Variants in GPATCH8 observed in about 807,000 individuals in gnomAD.
The protein encoded by GPATCH8 is G-patch domain containing 8.
A neutral mutation model predicts 118.3 loss-of-function variants in GPATCH8; 18 were observed. The observed-to-expected ratio is 0.15, with a 90% CI of 0.11 to 0.23. The LOEUF (loss-of-function observed/expected upper bound fraction) is 0.23, where lower values mean the gene tolerates loss of function less well. Ranked by LOEUF, GPATCH8 falls within the 10% of genes least tolerant of loss-of-function variation. The pLI, the probability that GPATCH8 is intolerant of heterozygous loss-of-function variation, is 1.00. For synonymous variants in GPATCH8, 659 were observed against 684.7 expected (o/e 0.96, Z 0.59); for missense variants, 1,631 against 1,873.8 (o/e 0.87, Z 2.39).
Position 44,395,757 on chromosome 17 carries a change from T to C in GPATCH8, c.*1811A>G. 2.2e-6 allele frequency: 1 copy of C among 454,122 alleles called. No homozygotes were observed. The highest frequency in any genetic ancestry group is 1.6e-5 in the South Asian group (1 of 64,476). The allele number at this position is 454,122 out of a possible 1,614,324, so 28.1% of individuals were successfully genotyped here. A position where few individuals can be genotyped will look rare whatever the true frequency, so the allele number is the denominator to read the frequency against. ...GGCAGGAACAGAGCCTTGGCCCAGG[T>C]AAGTATGGTTTTTCTTGTCAAGTGA... On this transcript the variant is annotated 3_prime_UTR_variant, in exon 8 of 8. Coordinates refer to ENST00000591680, the MANE Select transcript of GPATCH8 (RefSeq NM_001002909.4).
chr17:44,484,607 T>C lies in GPATCH8; in HGVS notation c.46-9704A>G, dbSNP rs895404400. Among the ~76,000 whole-genome samples, 6 of 152,300 alleles carry C rather than the reference T, an allele frequency of 3.9e-5. No homozygotes were observed. In the South Asian group the frequency reaches 6.2e-4, roughly 16 times the overall value. On this transcript the variant is annotated intron_variant, in intron 1 of 7. Transcript: ENST00000591680. ...TTATTATTAACTAAAGTCCATACTA[T>C]ATTCAGATTATCTTAGACTTCCTCT...
At position 44,406,864 on chromosome 17, in the gene GPATCH8, A is replaced by G. The variant is rs568645589; in HGVS notation, c.493-813T>C. Among the ~76,000 whole-genome samples, 35 of 152,378 alleles carry G rather than the reference A, an allele frequency of 2.3e-4. 1 individual carries two copies. In the South Asian group the frequency reaches 7.2e-3, roughly 32 times the overall value. On this transcript the variant is annotated intron_variant, in intron 6 of 7. Transcript: ENST00000591680. Reference sequence around the variant, plus strand: ...TCCTTAAAATAAAACAAAACAAACTACAACCAAAAAAGAACAGTGTTATGA... The same window carrying G: ...TCCTTAAAATAAAACAAAACAAACTGCAACCAAAAAAGAACAGTGTTATGA...
intron 1 of GPATCH8, among the ~76,000 whole-genome samples, chr17:44,490,654 T>TA (rs35632047): frequency 0.1 from 14,321 of 139,922 alleles, 784 homozygotes; most frequent in East Asian, 0.16. Flanking sequence ...CTAGCTTTTC[T>TA]AAAAAAAAAA....
At chr17:44,440,676 C>G (rs1463397074) in intron 3 of GPATCH8, among the ~76,000 whole-genome samples, 3 of 152,162 alleles carry the variant, frequency 2.0e-5, no homozygotes, top group Non-Finnish European at 4.4e-5. Context: ...TATAACATAA[C>G]TAAAGAAAGA....
At chr17:44,415,569 GA>G (rs1340788484) in intron 6 of GPATCH8, among the ~76,000 whole-genome samples, 1 of 152,144 alleles carries the variant, frequency 6.6e-6, no homozygotes, top group East Asian at 1.9e-4. Flanking sequence ...GATATCTGGG[GA>G]CAAAGATTTG....
At chr17:44,482,248 T>C (rs961848799) in intron 1 of GPATCH8, among the ~76,000 whole-genome samples, 9 of 151,868 alleles carry the variant, frequency 5.9e-5, no homozygotes, top group African/African-American at 2.2e-4. Flanking sequence ...AGGGAAAGCA[T>C]TACGACAAAT....
At chr17:44,498,767 G>A (rs1255476867) in intron 1 of GPATCH8, among the ~76,000 whole-genome samples, 2 of 152,164 alleles carry the variant, frequency 1.3e-5, no homozygotes, top group South Asian at 2.1e-4. Context: ...GATTACGGGA[G>A]CGAGACATAG....
rs1401035242 is a variant in GPATCH8, at chr17:44,399,838, T to G, written c.2239A>C (p.Arg747=). 2 of 1,613,590 alleles carry G rather than the reference T, an allele frequency of 1.2e-6. No individual in the cohort carries two copies. The highest frequency in any genetic ancestry group is 1.1e-5 in the South Asian group (1 of 91,020). Residue 747 remains arginine, a synonymous_variant, in exon 8 of 8, where the codon AGG becomes CGG. Transcript: ENST00000591680. ...GSGSPAPPRR[R]RRAQDDSQRR... ...TGGGAGTCATCTTGAGCTCTCCGCC[T>G]TCTTCTTGGTGGTGCGGGACTGCCA...
chr17:44,401,238 G>A lies in GPATCH8; in HGVS notation c.839C>T (p.Ser280Phe). The A allele has an allele frequency of 6.2e-7, 1 of 1,613,804 alleles. No individual in the cohort carries two copies. The highest frequency in any genetic ancestry group is 8.5e-7 in the Non-Finnish European group (1 of 1,179,690). Residue 280 changes from serine to phenylalanine, a missense_variant, in exon 8 of 8, where the codon TCC (serine) becomes TTC (phenylalanine). Ser to Phe is a radical substitution (Grantham distance 155). Around this residue, in one of 8 missense-constraint regions of GPATCH8, gnomAD observed 405 missense variants for 462.7 expected, o/e 0.88. Transcript: ENST00000591680. ...TGLAQAPGLA[S>F]QGISFGIKNN... Reference sequence around the variant, plus strand: ...CTTAATGCCAAAGCTGATGCCTTGGGAGGCTAACCCAGGAGCCTGGGCCAG... The same window carrying A: ...CTTAATGCCAAAGCTGATGCCTTGGAAGGCTAACCCAGGAGCCTGGGCCAG...
At chr17:44,472,027 T>A (rs971320522) in intron 2 of GPATCH8, among the ~76,000 whole-genome samples, 1 of 151,864 alleles carries the variant, frequency 6.6e-6, no homozygotes, top group Non-Finnish European at 1.5e-5. Context: ...TTCTCCCAGA[T>A]CCTGTGCCCT....
At chr17:44,432,317 C>A (rs1263605535) in intron 5 of GPATCH8, among the ~76,000 whole-genome samples, 1 of 152,044 alleles carries the variant, frequency 6.6e-6, no homozygotes. Context: ...TAGATGAAGG[C>A]ATTACTACCT....
chr17:44,421,468 T>C (rs2049899509), intron 6 of GPATCH8, among the ~76,000 whole-genome samples: 3 of 149,824 alleles, frequency 2.0e-5, no homozygotes, highest in African/African-American at 7.4e-5. Context: ...CGGATTCAAG[T>C]GATTCTCTTG....
chr17:44,428,736 G>A (rs1307955277), intron 5 of GPATCH8, among the ~76,000 whole-genome samples: 2 of 151,986 alleles, frequency 1.3e-5, no homozygotes, highest in Admixed American at 6.6e-5. Flanking sequence ...CCAGGAGGTC[G>A]AGGCTGCAGT....
In GPATCH8 at chr17:44,445,518, C is replaced by T. The variant is rs115257390; in HGVS notation, c.194-8973G>A. ...TTTCTTTTTCTTTTTTTTTTTTCCC[C>T]CCCTAAGATGGAGTTTCACTCTTGT... is the stretch of plus-strand genomic sequence containing the variant. On this transcript the variant is annotated intron_variant, in intron 3 of 7. Coordinates refer to ENST00000591680, the MANE Select transcript of GPATCH8 (RefSeq NM_001002909.4). 4.1e-3 allele frequency among the ~76,000 whole-genome samples: 620 copies of T among 151,682 alleles called. 5 individuals are homozygous for T. The highest frequency in any genetic ancestry group is 0.015 in the African/African-American group (603 of 41,354).
chr17:44,424,274 G>C, intron 6 of GPATCH8, 75 bp downstream of exon 6: 1 of 994,868 alleles, frequency 1.0e-6, no homozygotes, highest in Non-Finnish European at 1.6e-6. Flanking sequence ...AAGTTTTGGG[G>C]GGTATACTCA....
intron 5 of GPATCH8, among the ~76,000 whole-genome samples, chr17:44,432,854 A>C (rs1483671979): frequency 6.6e-6 from 1 of 152,082 alleles, no homozygotes; most frequent in Non-Finnish European, 1.5e-5. Context: ...GATCAATAAG[A>C]TGGGGAAAGT....
chr17:44,444,785 A>G (rs2050817361), intron 3 of GPATCH8, among the ~76,000 whole-genome samples: 1 of 152,202 alleles, frequency 6.6e-6, no homozygotes, highest in Admixed American at 6.5e-5. Flanking sequence ...ACGGGGGGAA[A>G]AAAAGTGGTA....
intron 5 of GPATCH8, among the ~76,000 whole-genome samples, chr17:44,429,533 C>T (rs115386015): frequency 0.012 from 1,851 of 151,846 alleles, 33 homozygotes; most frequent in African/African-American, 0.037. Flanking sequence ...AAAACTAGGC[C>T]ACGTGGTGGC....
intron 1 of GPATCH8, among the ~76,000 whole-genome samples, chr17:44,478,801 A>ACCAT: frequency 6.6e-6 from 1 of 152,246 alleles, no homozygotes; most frequent in South Asian, 2.1e-4. Context: ...GTGCAGTGGA[A>ACCAT]CCATCATAGC....
Sources: allele counts gnomAD v4.1 joint callset (sites outside exome capture counted in the v4.1 genomes callset), GRCh38; gene constraint gnomAD v4.1.1; regional missense constraint gnomAD v4.1.1; transcripts MANE v1.5; gene names NCBI Gene and HGNC (gene_info 2026-07-23, HGNC 2026-07-21).